CSMD3: variants seen among roughly 807,000 people sequenced by gnomAD.
CSMD3 encodes CUB and sushi domain-containing protein 3.
CSMD3 carries 177 observed loss-of-function variants against 435.2 expected under a neutral mutation model. The observed-to-expected ratio is 0.41, with a 90% confidence interval of 0.36 to 0.46. The LOEUF (loss-of-function observed/expected upper bound fraction) is 0.46. CSMD3 is among the 20% of genes least tolerant of loss of function. CSMD3 has a pLI of 0.34. For synonymous variants in CSMD3, 1,656 were observed against 1,520.5 expected, an observed-to-expected ratio of 1.09 and a Z score of -2.07; for missense variants, 4,265 against 4,504.6, an observed-to-expected ratio of 0.95 and a Z score of 1.52.
At chr8:112,469,973 T>G (rs2130737519) in intron 32 of CSMD3, among the ~76,000 whole-genome samples, 1 of 152,166 alleles carries the variant, frequency 6.6e-6, no homozygotes, top group Non-Finnish European at 1.5e-5. Flanking sequence ...AGAAAAAAAT[T>G]ATGGCAAAGT....
chr8:112,595,263 C>T lies in CSMD3; in HGVS notation c.3716-8028G>A, dbSNP rs1453479466. ...TGCGATCAACTGGAAGAAAGGGTAT[C>T]AGCAATGGAAGATGAAACGAATGAA... On this transcript the variant is annotated intron_variant, in intron 22 of 70. Coordinates refer to ENST00000297405, the MANE Select transcript of CSMD3 (RefSeq NM_198123.2). Among the ~76,000 whole-genome samples, 5 of 151,904 alleles carry T rather than the reference C, an allele frequency of 3.3e-5. No homozygotes were observed. The East Asian group carries it at 7.8e-4, about 24-fold the overall frequency.
At chr8:113,223,171 T>G (rs866186462) in intron 3 of CSMD3, among the ~76,000 whole-genome samples, 25 of 150,862 alleles carry the variant, frequency 1.7e-4, no homozygotes, top group African/African-American at 5.8e-4. Flanking sequence ...TTTGAATGAA[T>G]TAATATTTAC....
At chr8:112,911,076 T>A (rs35700688) in intron 10 of CSMD3, among the ~76,000 whole-genome samples, 55,298 of 151,482 alleles carry the variant, frequency 0.37, 10,252 homozygotes, top group East Asian at 0.41. Context: ...ATATTGTTGT[T>A]CCCTCAATTC....
chr8:112,425,813 T>C (rs1813007201), intron 32 of CSMD3, among the ~76,000 whole-genome samples: 1 of 152,124 alleles, frequency 6.6e-6, no homozygotes. Context: ...TGTGTGTGTG[T>C]TAAAATAGTA....
intron 1 of CSMD3, among the ~76,000 whole-genome samples, chr8:113,388,806 T>C (rs1275578476): frequency 6.6e-6 from 1 of 151,626 alleles, no homozygotes; most frequent in Non-Finnish European, 1.5e-5. Flanking sequence ...TACTGATTTC[T>C]ATTTCAAAAA....
chr8:113,367,697 C>T (rs901028215), intron 1 of CSMD3, among the ~76,000 whole-genome samples: 1 of 151,990 alleles, frequency 6.6e-6, no homozygotes, highest in Non-Finnish European at 1.5e-5. Context: ...CCAAGCTCTT[C>T]CATTCAGGGC....
At chr8:112,965,853 T>G (rs942402200) in intron 7 of CSMD3, among the ~76,000 whole-genome samples, 32 of 151,946 alleles carry the variant, frequency 2.1e-4, no homozygotes, top group African/African-American at 7.5e-4. Flanking sequence ...TGACATTGCT[T>G]TGACAATTTC....
intron 3 of CSMD3, among the ~76,000 whole-genome samples, chr8:113,231,995 CT>C (rs1458756837): frequency 5.9e-5 from 9 of 151,406 alleles, no homozygotes; most frequent in East Asian, 1.9e-4. Flanking sequence ...CTTTATAAGA[CT>C]TTTTTTCATC....
chr8:112,590,977 C>T (rs1831138223), intron 22 of CSMD3, among the ~76,000 whole-genome samples: 1 of 151,978 alleles, frequency 6.6e-6, no homozygotes, highest in African/African-American at 2.4e-5. Flanking sequence ...AGTAATGTTT[C>T]CTCTCTCTAA....
intron 38 of CSMD3, among the ~76,000 whole-genome samples, chr8:112,377,870 G>A (rs1829096865): frequency 6.6e-6 from 1 of 151,972 alleles, no homozygotes; most frequent in South Asian, 2.1e-4. Context: ...GACCATATAT[G>A]AAAAGCCCAT....
At chr8:112,958,347 T>C (rs117512286) in intron 7 of CSMD3, among the ~76,000 whole-genome samples, 3,461 of 152,322 alleles carry the variant, frequency 0.023, 62 homozygotes, top group Non-Finnish European at 0.037. Context: ...TTTGACTGTT[T>C]TTTTGTTTAG....
intron 27 of CSMD3, among the ~76,000 whole-genome samples, chr8:112,532,586 G>A (rs1183427135): frequency 2.6e-5 from 4 of 151,940 alleles, no homozygotes; most frequent in Non-Finnish European, 5.9e-5. Context: ...TTCTAACCAA[G>A]AATATAGTAG....
At chr8:112,972,506 T>C (rs1253452072) in intron 7 of CSMD3, among the ~76,000 whole-genome samples, 2 of 151,810 alleles carry the variant, frequency 1.3e-5, no homozygotes, top group African/African-American at 4.8e-5. Flanking sequence ...TTTTGTGAAT[T>C]TTGAACCAGT....
chr8:112,634,106 A>G (rs1452661080), intron 22 of CSMD3, among the ~76,000 whole-genome samples: 3 of 152,046 alleles, frequency 2.0e-5, no homozygotes, highest in African/African-American at 7.2e-5. Context: ...GTGTTAGGGT[A>G]TATGAAATAA....
At chr8:112,705,673 A>ACC (rs2076484818) in intron 13 of CSMD3, among the ~76,000 whole-genome samples, 1 of 152,100 alleles carries the variant, frequency 6.6e-6, no homozygotes, top group South Asian at 2.1e-4. Flanking sequence ...GCCCTTAAAA[A>ACC]GGATACAGTC....
At chr8:112,557,649 T>G (rs1828240830) in intron 24 of CSMD3, among the ~76,000 whole-genome samples, 1 of 151,890 alleles carries the variant, frequency 6.6e-6, no homozygotes, top group South Asian at 2.1e-4. Flanking sequence ...GTTTTCAGAT[T>G]CATGAACACC....
intron 16 of CSMD3, among the ~76,000 whole-genome samples, chr8:112,676,324 C>G (rs1313476138): frequency 2.0e-5 from 3 of 151,816 alleles, no homozygotes; most frequent in African/African-American, 7.3e-5. Context: ...AGAACATATC[C>G]AAAATGTAGC....
chr8:112,317,321 AATT>A (rs1296939870), intron 47 of CSMD3, among the ~76,000 whole-genome samples: 1 of 151,962 alleles, frequency 6.6e-6, no homozygotes, highest in Non-Finnish European at 1.5e-5. Flanking sequence ...ATTCGTAAAA[AATT>A]TTTTGAATTG....
intron 27 of CSMD3, among the ~76,000 whole-genome samples, chr8:112,541,986 T>C (rs988012344): frequency 6.6e-6 from 1 of 151,922 alleles, no homozygotes; most frequent in Non-Finnish European, 1.5e-5. Context: ...GATAGTTCAA[T>C]ATACAAAAAT....
Sources: allele counts gnomAD v4.1 joint callset (sites outside exome capture counted in the v4.1 genomes callset), GRCh38; gene constraint gnomAD v4.1.1; transcripts MANE v1.5; gene names NCBI Gene and HGNC (gene_info 2026-07-23, HGNC 2026-07-21).